CEP126: variants seen among roughly 807,000 people sequenced by gnomAD.
The protein encoded by CEP126 is centrosomal protein of 126 kDa.
Under a neutral mutation model 107.8 loss-of-function variants are expected in CEP126, and 74 were observed. The ratio of observed to expected loss-of-function variants is 0.69; its 90% CI spans 0.57 to 0.83. The LOEUF is 0.83. CEP126 is among the 40% of genes least tolerant of loss of function. CEP126 has a pLI of 0.00. For missense variants in CEP126, 1,237 were observed against 1,281.9 expected (o/e 0.96, Z 0.53); for synonymous variants, 449 against 446.0 (o/e 1.01, Z -0.08).
intron 6 of CEP126, among the ~76,000 whole-genome samples, chr11:101,972,992 T>A (rs1347377315): frequency 6.6e-6 from 1 of 152,220 alleles, no homozygotes; most frequent in Non-Finnish European, 1.5e-5. Flanking sequence ...TTGGCTGTAC[T>A]TCATATTCAT....
chr11:101,963,363 C>A lies in CEP126; in HGVS notation c.2328C>A (p.Gly776=), dbSNP rs369272940. ...QSGFICTNRK[G]AVIQPQSASK... ...GCTTTATATGTACAAACAGAAAAGGCGCTGTCATTCAACCACAGTCTGCAA... is the reference window on the plus strand; with the variant it reads ...GCTTTATATGTACAAACAGAAAAGGAGCTGTCATTCAACCACAGTCTGCAA... Residue 776 remains glycine, a synonymous_variant, in exon 6 of 11, where the codon GGC becomes GGA. Coordinates refer to ENST00000263468, the MANE Select transcript of CEP126 (RefSeq NM_020802.4). 4.3e-6 allele frequency: 7 copies of A among 1,613,946 alleles called. No individual in the cohort carries two copies. The highest frequency in any genetic ancestry group is 5.9e-6 in the Non-Finnish European group (7 of 1,180,014).
chr11:101,950,933 A>G (rs1049277751), intron 4 of CEP126, among the ~76,000 whole-genome samples: 2 of 152,174 alleles, frequency 1.3e-5, no homozygotes, highest in East Asian at 1.9e-4. Flanking sequence ...AGAAAGATAA[A>G]TGGTGCAAAT....
At chr11:101,983,657 G>C (rs1036075827) in intron 8 of CEP126, among the ~76,000 whole-genome samples, 1 of 152,196 alleles carries the variant, frequency 6.6e-6, no homozygotes, top group Non-Finnish European at 1.5e-5. Flanking sequence ...GGTCATCGCT[G>C]ATGAATATCT....
chr11:101,922,503 A>G (rs1940345283), intron 1 of CEP126, 138 bp from the exon 2 acceptor site: 6 of 681,720 alleles, frequency 8.8e-6, no homozygotes, highest in Non-Finnish European at 1.5e-5. Flanking sequence ...TCATATACTA[A>G]TGTGGGCACA....
chr11:101,947,700 T>C (rs1940756413), intron 3 of CEP126, among the ~76,000 whole-genome samples: 1 of 152,122 alleles, frequency 6.6e-6, no homozygotes, highest in Admixed American at 6.5e-5. Flanking sequence ...CTTTTCTTCA[T>C]AGGAACATTT....
rs139550569 is a variant in CEP126 at position 101,915,755 on chromosome 11, C to T, written c.128+343C>T. ...ACATATTAACTACTTCCTGATTTATCGTACTACTTGGAGAGAGAAATTACA... is the reference window on the plus strand; with the variant it reads ...ACATATTAACTACTTCCTGATTTATTGTACTACTTGGAGAGAGAAATTACA... On this transcript the variant is annotated intron_variant, in intron 1 of 10. Transcript: ENST00000263468. 6.5e-3 allele frequency among the ~76,000 whole-genome samples: 990 copies of T among 152,282 alleles called. 12 individuals are homozygous for T. Among genetic ancestry groups the T allele is most frequent in the African/African-American group, 0.022 (895 of 41,562 alleles).
chr11:101,931,680 A>C (rs924394326), intron 2 of CEP126, among the ~76,000 whole-genome samples: 16 of 152,304 alleles, frequency 1.1e-4, no homozygotes, highest in African/African-American at 3.4e-4. Context: ...AGTTGTAGCT[A>C]CCTAGATCTG....
In CEP126 at chr11:101,948,057, G is replaced by C; in HGVS notation, c.421G>C (p.Glu141Gln). The C allele has an allele frequency of 6.2e-7, 1 of 1,611,274 alleles. No individual in the cohort carries two copies. The highest frequency in any genetic ancestry group is 8.5e-7 in the Non-Finnish European group (1 of 1,178,174). ...TTCCCGAAAACCAGTTCCTCCATTA[G>C]AAGAGGCCCTCAAACAAATTCAGGA... The part of the protein sequence containing the change: ...AVSRKPVPPL[E>Q]EALKQIQESN... Residue 141 changes from glutamate (E) to glutamine (Q), a missense_variant, in exon 4 of 11, where the codon GAA becomes CAA. Coordinates refer to ENST00000263468, the MANE Select transcript of CEP126 (RefSeq NM_020802.4).
In CEP126 at chr11:101,958,232, T is replaced by A. The variant is rs373781658; in HGVS notation, c.571T>A (p.Leu191Ile). 3.7e-6 allele frequency: 6 copies of A among 1,613,868 alleles called. No homozygotes were observed. In the African/African-American group the frequency reaches 8.0e-5, roughly 22 times the overall value. Reference sequence around the variant, plus strand: ...TGATCACAAGCATCAGAAACAACTCTTATCCAAAATCAATTGTGAGAAAGA... The same window carrying A: ...TGATCACAAGCATCAGAAACAACTCATATCCAAAATCAATTGTGAGAAAGA... Reference protein sequence around the residue: ...KNDHKHQKQLLSKINCEKEMN... With the variant: ...KNDHKHQKQLISKINCEKEMN... The change falls in exon 5 of 11, where the codon TTA (leucine) becomes ATA (isoleucine). Residue 191 changes from leucine (L) to isoleucine (I), a missense_variant. Coordinates refer to ENST00000263468, the MANE Select transcript of CEP126 (RefSeq NM_020802.4).
At chr11:101,968,480 G>A (rs1242821126) in intron 6 of CEP126, among the ~76,000 whole-genome samples, 2 of 152,164 alleles carry the variant, frequency 1.3e-5, no homozygotes, top group Non-Finnish European at 2.9e-5. Flanking sequence ...AGATTAGATA[G>A]AATAAATGAG....
At chr11:101,993,445 C>G (rs1172914544) in intron 10 of CEP126, among the ~76,000 whole-genome samples, 3 of 152,146 alleles carry the variant, frequency 2.0e-5, no homozygotes, top group Non-Finnish European at 4.4e-5. Context: ...CACATTTTCT[C>G]TATCCAGTCT....
At chr11:101,952,590 C>T (rs1050251794) in intron 4 of CEP126, among the ~76,000 whole-genome samples, 1 of 152,040 alleles carries the variant, frequency 6.6e-6, no homozygotes. Flanking sequence ...AAAATGAGGA[C>T]TACGAGGTTA....
rs139150555 is a variant in CEP126, at chr11:102,000,452, G to A, written c.*2809G>A. The A allele has an allele frequency of 4.7e-4, 71 of 152,354 alleles. No homozygotes were observed. Among genetic ancestry groups the A allele is most frequent in the African/African-American group, 1.5e-3 (61 of 41,562 alleles). The allele number at this position is 152,354 out of a possible 1,614,324, so 9.4% of individuals were successfully genotyped here. On this transcript the variant is annotated 3_prime_UTR_variant, in exon 11 of 11. Transcript: ENST00000263468. ...AATCCCAGAACTTTGGGAGGCCGAG[G>A]CAGGTGGATCATTTGAGCTCAGGAA...
chr11:101,978,602 C>T (rs941606955), intron 7 of CEP126, 143 bp downstream of exon 7: 27 of 577,102 alleles, frequency 4.7e-5, no homozygotes, highest in Non-Finnish European at 6.7e-5. Context: ...GTGAAGCAGT[C>T]TTGGAATCTT....
At chr11:101,995,099 C>T (rs1941427710) in intron 10 of CEP126, among the ~76,000 whole-genome samples, 1 of 152,132 alleles carries the variant, frequency 6.6e-6, no homozygotes, top group Non-Finnish European at 1.5e-5. Flanking sequence ...GTTCAACTCC[C>T]ACTTACGAGT....
At chr11:101,987,075 C>A in intron 9 of CEP126, 34 bp downstream of exon 9, 1 of 1,357,822 alleles carries the variant, frequency 7.4e-7, no homozygotes, top group Non-Finnish European at 1.0e-6. Context: ...ATAAGAAATA[C>A]TGCATTTATA....
chr11:101,991,727 G>T (rs1487503868), intron 9 of CEP126, among the ~76,000 whole-genome samples: 2 of 152,042 alleles, frequency 1.3e-5, no homozygotes, highest in Non-Finnish European at 2.9e-5. Context: ...TTCCAAACTG[G>T]AACAGTAAGA....
intron 6 of CEP126, among the ~76,000 whole-genome samples, chr11:101,975,217 T>C (rs1941179675): frequency 2.0e-5 from 3 of 152,206 alleles, no homozygotes; most frequent in South Asian, 4.1e-4. Flanking sequence ...TTTTAAACTG[T>C]GGGACATGAC....
chr11:101,945,501 TAG>T (rs1940722306), intron 3 of CEP126, among the ~76,000 whole-genome samples: 1 of 152,230 alleles, frequency 6.6e-6, no homozygotes, highest in Non-Finnish European at 1.5e-5. Flanking sequence ...ATTGCTGTGT[TAG>T]TAATAAATAT....
Sources: allele counts gnomAD v4.1 joint callset (sites outside exome capture counted in the v4.1 genomes callset), GRCh38; gene constraint gnomAD v4.1.1; transcripts MANE v1.5; gene names NCBI Gene and HGNC (gene_info 2026-07-23, HGNC 2026-07-21).